BRD4: variants seen among roughly 807,000 people sequenced by gnomAD.
BRD4 encodes bromodomain containing 4.
In BRD4, 16 loss-of-function variants were observed where a neutral mutation model predicts 142.1. That is an observed-to-expected ratio of 0.11 (90% confidence interval 0.08 to 0.17). BRD4 has a LOEUF of 0.17. BRD4 is among the 10% of genes least tolerant of loss of function. The pLI is 1.00. For synonymous variants in BRD4, 833 were observed against 707.5 expected (o/e 1.18, Z -2.82); for missense variants, 1,424 against 1,810.9 (o/e 0.79, Z 3.88).
chr19:15,239,066 G>T lies in BRD4; in HGVS notation c.3775C>A (p.Arg1259Ser). ...ACCCAGACACCCGCCCACCTCATGC[G>T]CTCCTGCCGCAGCCGCTCCTTCTCC... ...EKEKERLRQE[R>S]MRSREDEDAL... The change falls in exon 18 of 20, where the codon CGC becomes AGC. Residue 1259 changes from arginine (R) to serine (S), a missense_variant. Around this residue, in one of 16 missense-constraint regions of BRD4, gnomAD observed 109 missense variants for 117.9 expected, o/e 0.92. Coordinates refer to ENST00000679869, the MANE Select transcript of BRD4 (RefSeq NM_001379291.1). The surrounding 1 kb of genome is among the most constrained non-coding windows in gnomAD (Gnocchi z 7.4). 6.3e-7 allele frequency: 1 copy of T among 1,591,008 alleles called. No individual in the cohort carries two copies. Among genetic ancestry groups the T allele is most frequent in the East Asian group, 2.3e-5 (1 of 44,318 alleles).
At position 15,244,760 on chromosome 19, in the gene BRD4, T is replaced by C; in HGVS notation, c.2161A>G (p.Met721Val). 4 of 1,614,006 alleles carry C rather than the reference T, an allele frequency of 2.5e-6. No homozygotes were observed. The highest frequency in any genetic ancestry group is 3.4e-6 in the Non-Finnish European group (4 of 1,180,012). ...SSDSEDSETE[M>V]APKSKKKGHP... is the part of the protein sequence containing the mutation. ...CCCTTCTTTTTTGACTTCGGAGCCA[T>C]CTCTGCAGAGGAAAAGAGAAGGTAG... is the stretch of plus-strand genomic sequence containing the variant. The change falls in exon 12 of 20, where the codon ATG (methionine) becomes GTG (valine). Residue 721 changes from methionine (M) to valine (V), a missense_variant and splice_region_variant. Around this residue, in one of 16 missense-constraint regions of BRD4, gnomAD observed 598 missense variants for 647.8 expected, o/e 0.92. Transcript: ENST00000679869.
chr19:15,264,806 G>T (rs754211294), intron 5 of BRD4, 40 bp from the exon 6 acceptor site: 1 of 1,563,720 alleles, frequency 6.4e-7, no homozygotes, highest in South Asian at 1.2e-5. Context: ...AGTCAGAAGT[G>T]GCAGCCGGCA....
At chr19:15,241,916 G>A (rs150483510) in intron 14 of BRD4, among the ~76,000 whole-genome samples, 1,910 of 150,352 alleles carry the variant, frequency 0.013, 34 homozygotes, top group Middle Eastern at 0.041. Context: ...AGACTCAAGC[G>A]ATTCTCCCGC....
At chr19:15,309,500 G>C (rs925238567) in intron 1 of BRD4, among the ~76,000 whole-genome samples, 1 of 152,174 alleles carries the variant, frequency 6.6e-6, no homozygotes, top group Non-Finnish European at 1.5e-5. Flanking sequence ...CTGTAAAACA[G>C]TCTGGCAGTT....
chr19:15,277,978 C>T (rs1395146855), intron 1 of BRD4, among the ~76,000 whole-genome samples: 4 of 151,366 alleles, frequency 2.6e-5, no homozygotes, highest in African/African-American at 7.3e-5. Flanking sequence ...TGGCAGCGGG[C>T]GCCTGTAGTC....
intron 1 of BRD4, among the ~76,000 whole-genome samples, chr19:15,300,821 C>G (rs1253896247): frequency 6.6e-6 from 1 of 152,146 alleles, no homozygotes; most frequent in Admixed American, 6.5e-5. Context: ...AAACTCTCAT[C>G]CACTGCTGAT....
intron 4 of BRD4, among the ~76,000 whole-genome samples, chr19:15,267,091 G>GA (rs2047542153): frequency 6.6e-6 from 1 of 152,212 alleles, no homozygotes; most frequent in South Asian, 2.1e-4. Flanking sequence ...AAATGGAAAA[G>GA]TAAAAACCAC....
At chr19:15,293,275 C>T (rs1252007516) in intron 1 of BRD4, among the ~76,000 whole-genome samples, 1 of 152,102 alleles carries the variant, frequency 6.6e-6, no homozygotes, top group Non-Finnish European at 1.5e-5. Flanking sequence ...CTCCTGGCTA[C>T]CTGAGCCCAA....
chr19:15,255,685 C>A (rs1260888656), intron 9 of BRD4, 93 bp from the exon 10 acceptor site: 4 of 1,443,790 alleles, frequency 2.8e-6, no homozygotes, highest in Non-Finnish European at 3.7e-6. Flanking sequence ...GGAAGGGGTG[C>A]CCTTCCCATA....
chr19:15,273,898 T>C (rs566808124), intron 1 of BRD4, among the ~76,000 whole-genome samples: 82 of 151,710 alleles, frequency 5.4e-4, no homozygotes, highest in African/African-American at 2.0e-3. Flanking sequence ...TTTTAGTGGG[T>C]TCAGAAGCAG....
intron 11 of BRD4, among the ~76,000 whole-genome samples, chr19:15,252,057 CT>C (rs1409477003): frequency 6.6e-6 from 1 of 152,070 alleles, no homozygotes; most frequent in Non-Finnish European, 1.5e-5. Context: ...AATCTTTCCA[CT>C]TTTTTTTAAA....
intron 1 of BRD4, among the ~76,000 whole-genome samples, chr19:15,290,467 A>C (rs1316350013): frequency 6.6e-6 from 1 of 152,186 alleles, no homozygotes; most frequent in African/African-American, 2.4e-5. Flanking sequence ...ATGCATCACG[A>C]GTACTGAAAA....
At chr19:15,331,681 T>C (rs1243689846) in intron 1 of BRD4, among the ~76,000 whole-genome samples, 1 of 151,578 alleles carries the variant, frequency 6.6e-6, no homozygotes, top group African/African-American at 2.4e-5. Flanking sequence ...GAGATGGGGG[T>C]GGGGGCGCGC....
At chr19:15,321,973 G>A (rs924297425) in intron 1 of BRD4, among the ~76,000 whole-genome samples, 2 of 152,100 alleles carry the variant, frequency 1.3e-5, no homozygotes, top group Non-Finnish European at 1.5e-5. Context: ...ATCCAGGACA[G>A]TCATCATTGG....
intron 1 of BRD4, among the ~76,000 whole-genome samples, chr19:15,289,773 C>T (rs1252928378): frequency 6.6e-6 from 1 of 152,048 alleles, no homozygotes; most frequent in African/African-American, 2.4e-5. Flanking sequence ...GGCTCACAAG[C>T]AATGGGAGAA....
At chr19:15,312,656 C>A (rs2047981914) in intron 1 of BRD4, among the ~76,000 whole-genome samples, 1 of 151,886 alleles carries the variant, frequency 6.6e-6, no homozygotes, top group East Asian at 1.9e-4. Flanking sequence ...CAAAAACAGG[C>A]TGTGCACGGT....
chr19:15,306,541 A>G (rs1200686926), intron 1 of BRD4, among the ~76,000 whole-genome samples: 2 of 152,122 alleles, frequency 1.3e-5, no homozygotes, highest in Admixed American at 6.5e-5. Context: ...AAAAAATGCT[A>G]GGATTACAGG....
In BRD4 at chr19:15,244,380, TGGGGCTCCAGGA is replaced by T; in HGVS notation, c.2420_2431del (p.Val807_Gln811delinsGlu). On this transcript the variant is annotated inframe_deletion, in exon 13 of 20. Coordinates refer to ENST00000679869, the MANE Select transcript of BRD4 (RefSeq NM_001379291.1). Reference sequence around the variant, plus strand: ...GGGGTCAAAGACGCTGCCTGGGAGCTGGGGCTCCAGGACGGGCACCTGGGTGGCAATGAAGGG... The same window carrying T: ...GGGGTCAAAGACGCTGCCTGGGAGCTCGGGCACCTGGGTGGCAATGAAGGG... The T allele has an allele frequency of 7.0e-7, 1 of 1,432,048 alleles. No individual in the cohort carries two copies. Among genetic ancestry groups the T allele is most frequent in the Non-Finnish European group, 9.3e-7 (1 of 1,079,246 alleles). The allele number at this position is 1,432,048 out of a possible 1,614,324, so 88.7% of individuals were successfully genotyped here.
At chr19:15,279,411 T>G (rs1326642092) in intron 1 of BRD4, among the ~76,000 whole-genome samples, 2 of 152,168 alleles carry the variant, frequency 1.3e-5, no homozygotes, top group Non-Finnish European at 2.9e-5. Flanking sequence ...GAGTCCCTAC[T>G]TGCAAAGTGG....
Sources: gnomAD v4.1 joint callset for allele counts (sites outside exome capture counted in the v4.1 genomes callset) on GRCh38, gnomAD v4.1.1 for gene constraint, gnomAD v4.1.1 regional missense constraint, Gnocchi (gnomAD v3.1) non-coding constraint, MANE v1.5 for transcripts, NCBI Gene and HGNC (gene_info 2026-07-23, HGNC 2026-07-21) for gene names.